RFC5: variants seen among roughly 807,000 people sequenced by gnomAD.
The protein encoded by RFC5 is A1 36 kDa subunit.
RFC5 carries 26 observed loss-of-function variants against 44.3 expected under a neutral mutation model. That is an observed-to-expected ratio of 0.59 (90% CI 0.43 to 0.81). The LOEUF (loss-of-function observed/expected upper bound fraction) is 0.81, where lower values mean the gene tolerates loss of function less well. Ranked by LOEUF, RFC5 falls within the 40% of genes least tolerant of loss-of-function variation. The pLI, the probability that RFC5 is intolerant of heterozygous loss-of-function variation, is 0.00. For missense variants in RFC5, 328 were observed against 418.6 expected (o/e 0.78, Z 1.89); for synonymous variants, 155 against 155.2 (o/e 1.00, Z 0.01).
At chr12:118,023,285 T>C (rs545527262) in intron 5 of RFC5, among the ~76,000 whole-genome samples, 1 of 151,442 alleles carries the variant, frequency 6.6e-6, no homozygotes, top group African/African-American at 2.4e-5. Context: ...TAAAGGACAC[T>C]TGTCATCTCT....
chr12:118,018,795 T>A (rs1479535671), intron 1 of RFC5, among the ~76,000 whole-genome samples: 1 of 152,026 alleles, frequency 6.6e-6, no homozygotes, highest in East Asian at 1.9e-4. Flanking sequence ...TTTTTTGGTA[T>A]TTTTTATTGA....
At chr12:118,040,400 G>C in the RFC5 span, among the ~76,000 whole-genome samples, 1 of 152,212 alleles carries the variant, frequency 6.6e-6, no homozygotes, top group East Asian at 1.9e-4. Context: ...GATTTCCAGA[G>C]CCACTGCATG....
At chr12:118,038,466 T>C in the RFC5 span, 1 of 1,384,720 alleles carries the variant, frequency 7.2e-7, no homozygotes. Flanking sequence ...ACTGGGGTGG[T>C]AACAGCCCCC....
chr12:118,026,919 G>A lies in RFC5; in HGVS notation c.694G>A (p.Glu232Lys), dbSNP rs773882205. 2.5e-5 allele frequency: 40 copies of A among 1,613,970 alleles called. No homozygotes were observed. In the South Asian group the frequency reaches 2.7e-4, roughly 11 times the overall value. The change falls in exon 8 of 11, where the codon GAG becomes AAG. Residue 232 changes from glutamate to lysine, a missense_variant. Transcript: ENST00000454402. ...STNMAFGKVT[E>K]ETVYTCTGHP... ...CAATATGGCCTTTGGGAAGGTGACA[G>A]AGGAGACTGTCTACACCTGCACCGG...
intron 1 of RFC5, chr12:118,017,673 G>GT: frequency 1.0e-6 from 1 of 991,460 alleles, no homozygotes; most frequent in Non-Finnish European, 1.3e-6. Flanking sequence ...ATGTATTTAC[G>GT]TATTTTTTTT....
chr12:118,023,687 C>T (rs1161090237), intron 5 of RFC5, among the ~76,000 whole-genome samples: 1 of 152,042 alleles, frequency 6.6e-6, no homozygotes. Flanking sequence ...GGTTATTGCT[C>T]CCTTGAGTGC....
chr12:118,031,103 C>CAGATCCCCACT (rs1411225870), intron 10 of RFC5, 79 bp from the exon 11 acceptor site: 2 of 953,216 alleles, frequency 2.1e-6, no homozygotes, highest in East Asian at 2.4e-5. Context: ...AGATTTTCAG[C>CAGATCCCCACT]CCTAGATCTC....
At chr12:118,029,680 T>C (rs2031186649) in intron 9 of RFC5, 91 bp from the exon 10 acceptor site, 1 of 868,666 alleles carries the variant, frequency 1.2e-6, no homozygotes, top group Middle Eastern at 2.2e-4. Flanking sequence ...TAGTTCAGTG[T>C]TAAGGATTTC....
chr12:118,038,599 T>TC, the RFC5 span, among the ~76,000 whole-genome samples: 2 of 152,182 alleles, frequency 1.3e-5, no homozygotes, highest in Non-Finnish European at 2.9e-5. Flanking sequence ...ATATTCTAAT[T>TC]CCCCACGGAA....
In RFC5 at chr12:118,031,869, G is replaced by GA. The variant is rs886997060; in HGVS notation, c.*598dup. 1.3e-5 allele frequency: 2 copies of GA among 152,098 alleles called. No individual in the cohort carries two copies. Among genetic ancestry groups the GA allele is most frequent in the Admixed American group, 1.3e-4 (2 of 15,262 alleles). 9.4% of individuals were successfully genotyped at this position (152,098 alleles called of 1,614,324 possible). On this transcript the variant is annotated 3_prime_UTR_variant, in exon 11 of 11. Transcript: ENST00000454402. ...GGTTCCAAATTGATGTGTATGATAG[G>GA]AAAAAAACCTTAATTTTAAATATAA...
downstream of RFC5, chr12:118,034,416 G>A (rs946155153): frequency 4.4e-6 from 7 of 1,585,932 alleles, no homozygotes; most frequent in African/African-American, 9.5e-5. Flanking sequence ...GTTTTCATGA[G>A]GATGAATACT....
At chr12:118,022,812 G>C (rs942862838) in intron 5 of RFC5, among the ~76,000 whole-genome samples, 1 of 152,060 alleles carries the variant, frequency 6.6e-6, no homozygotes, top group African/African-American at 2.4e-5. Context: ...GATATGGCTT[G>C]GCTTGTTTTC....
At chr12:118,034,818 TG>T, downstream of RFC5, 1 of 635,718 alleles carries the variant, frequency 1.6e-6, no homozygotes, top group Non-Finnish European at 2.7e-6. Flanking sequence ...TCAGAGAAAA[TG>T]GGACACCGTT....
chr12:118,017,989 C>T (rs1461403829), intron 1 of RFC5: 4 of 700,192 alleles, frequency 5.7e-6, no homozygotes, highest in Non-Finnish European at 1.0e-5. Context: ...TCTCCCCTTC[C>T]TCTAGCCCCT....
chr12:118,034,417 G>A, downstream of RFC5: 12 of 1,573,414 alleles, frequency 7.6e-6, no homozygotes, highest in Non-Finnish European at 1.0e-5. Flanking sequence ...TTTTCATGAG[G>A]ATGAATACTC....
chr12:118,024,645 A>G (rs968630692), intron 5 of RFC5, among the ~76,000 whole-genome samples: 10 of 152,010 alleles, frequency 6.6e-5, no homozygotes, highest in Non-Finnish European at 1.0e-4. Context: ...TCCTGACCTC[A>G]AGTGATCCTC....
chr12:118,036,735 TAA>T (rs1006258353), downstream of RFC5, among the ~76,000 whole-genome samples: 1 of 152,164 alleles, frequency 6.6e-6, no homozygotes, highest in Non-Finnish European at 1.5e-5. Context: ...GAGCTCACTA[TAA>T]GAGAGAATAA....
At chr12:118,035,191 G>A (rs1555267428), downstream of RFC5, 1 of 1,613,756 alleles carries the variant, frequency 6.2e-7, no homozygotes, top group Non-Finnish European at 8.5e-7. Context: ...CTGAGGCCAT[G>A]TAAAGAGAGT....
chr12:118,039,368 A>G, the RFC5 span, among the ~76,000 whole-genome samples: 2 of 152,170 alleles, frequency 1.3e-5, no homozygotes, highest in Admixed American at 1.3e-4. Flanking sequence ...ATGCAGTTGG[A>G]ATTAGAGAGA....
Sources: allele counts gnomAD v4.1 joint callset (sites outside exome capture counted in the v4.1 genomes callset), GRCh38; gene constraint gnomAD v4.1.1; transcripts MANE v1.5; gene names NCBI Gene and HGNC (gene_info 2026-07-23, HGNC 2026-07-21).